Variants in TMEM178B observed in about 807,000 individuals in gnomAD.
TMEM178B encodes transmembrane protein 178B.
In TMEM178B, 5 loss-of-function variants were observed where a neutral mutation model predicts 31.0. The observed-to-expected ratio is 0.16, with a 90% CI of 0.08 to 0.34. The LOEUF is 0.34. TMEM178B is among the 10% of genes least tolerant of loss of function. The pLI, the probability that TMEM178B is intolerant of heterozygous loss-of-function variation, is 1.00. For synonymous variants in TMEM178B, 164 were observed against 164.0 expected, an observed-to-expected ratio of 1.00 and a Z score of 0.00; for missense variants, 275 against 400.3, an observed-to-expected ratio of 0.69 and a Z score of 2.67.
chr7:141,132,287 A>G (rs1795606822), intron 1 of TMEM178B, among the ~76,000 whole-genome samples: 2 of 152,350 alleles, frequency 1.3e-5, no homozygotes, highest in South Asian at 4.1e-4. Flanking sequence ...AAATTTAACT[A>G]GAAAATAAGC....
At chr7:141,387,193 A>C (rs1392791476) in intron 2 of TMEM178B, among the ~76,000 whole-genome samples, 1 of 152,204 alleles carries the variant, frequency 6.6e-6, no homozygotes, top group Non-Finnish European at 1.5e-5. Flanking sequence ...GAATTCATGG[A>C]ATCTTGACTA....
At chr7:141,369,540 C>A (rs1410150126) in intron 2 of TMEM178B, among the ~76,000 whole-genome samples, 1 of 152,092 alleles carries the variant, frequency 6.6e-6, no homozygotes, top group Non-Finnish European at 1.5e-5. Flanking sequence ...TATGTCTGAG[C>A]AAAGTGGAAA....
chr7:141,330,774 T>C (rs536800978), intron 2 of TMEM178B, among the ~76,000 whole-genome samples: 1 of 152,330 alleles, frequency 6.6e-6, no homozygotes, highest in East Asian at 1.9e-4. Flanking sequence ...TCACTCTGGC[T>C]TCTGTGTTGA....
chr7:141,464,829 C>A (rs1435734986), intron 3 of TMEM178B, among the ~76,000 whole-genome samples: 8 of 152,184 alleles, frequency 5.3e-5, no homozygotes, highest in Non-Finnish European at 1.0e-4. Context: ...CTCCTACTGT[C>A]ATGACTGCCC....
chr7:141,488,977 G>GGA, the TMEM178B span, among the ~76,000 whole-genome samples: 1 of 152,044 alleles, frequency 6.6e-6, no homozygotes, highest in Non-Finnish European at 1.5e-5. Context: ...GGGAGGAGGA[G>GGA]GAGGAGGAGG....
At chr7:141,418,691 T>C (rs1400487810) in intron 2 of TMEM178B, among the ~76,000 whole-genome samples, 1 of 152,188 alleles carries the variant, frequency 6.6e-6, no homozygotes, top group Admixed American at 6.5e-5. Context: ...TCTTCTCACT[T>C]TATGTTCCAT....
intron 1 of TMEM178B, among the ~76,000 whole-genome samples, chr7:141,187,507 GA>G (rs1376187398): frequency 6.6e-6 from 1 of 152,066 alleles, no homozygotes; most frequent in Non-Finnish European, 1.5e-5. Flanking sequence ...GATCCCTGAG[GA>G]ATCGCCACAC....
At chr7:141,178,369 G>A (rs1457543622) in intron 1 of TMEM178B, among the ~76,000 whole-genome samples, 2 of 152,186 alleles carry the variant, frequency 1.3e-5, no homozygotes, top group East Asian at 1.9e-4. Context: ...AAGAAATTAT[G>A]CATCTGGGAA....
intron 3 of TMEM178B, among the ~76,000 whole-genome samples, chr7:141,449,751 A>G (rs1165163801): frequency 6.6e-6 from 1 of 152,180 alleles, no homozygotes; most frequent in Non-Finnish European, 1.5e-5. Context: ...GAGCCGCCAG[A>G]CACACCTTGG....
chr7:141,251,828 A>G (rs1471930177), intron 2 of TMEM178B, among the ~76,000 whole-genome samples: 2 of 152,162 alleles, frequency 1.3e-5, no homozygotes, highest in African/African-American at 4.8e-5. Context: ...TCGTATCCCC[A>G]TGAGCTTTTC....
At chr7:141,352,917 C>T (rs1799759925) in intron 2 of TMEM178B, 1 of 152,172 alleles carries the variant, frequency 6.6e-6, no homozygotes, top group African/African-American at 2.4e-5. Context: ...GTGCCAGGCT[C>T]AGTAAGAAAA....
intron 1 of TMEM178B, among the ~76,000 whole-genome samples, chr7:141,164,517 C>T (rs1425333710): frequency 2.0e-5 from 3 of 152,154 alleles, no homozygotes; most frequent in African/African-American, 7.2e-5. Context: ...GCACATGTTT[C>T]AGCTCTTTGG....
chr7:141,336,524 C>T (rs375733055), intron 2 of TMEM178B, among the ~76,000 whole-genome samples: 6 of 152,150 alleles, frequency 3.9e-5, no homozygotes, highest in African/African-American at 1.2e-4. Flanking sequence ...ACTAGTAACA[C>T]CTACCTGTTT....
chr7:141,264,880 T>C (rs949535314), intron 2 of TMEM178B, among the ~76,000 whole-genome samples: 15 of 152,228 alleles, frequency 9.9e-5, no homozygotes, highest in African/African-American at 3.4e-4. Context: ...GTAATGACTA[T>C]TATAATGATA....
At chr7:141,292,492 A>T (rs1404968622) in intron 2 of TMEM178B, among the ~76,000 whole-genome samples, 1 of 152,182 alleles carries the variant, frequency 6.6e-6, no homozygotes, top group Non-Finnish European at 1.5e-5. Context: ...GCAAGAAAAC[A>T]AGAGGGCAGC....
At chr7:141,482,478 A>G (rs1319910884), downstream of TMEM178B, among the ~76,000 whole-genome samples, 1 of 152,190 alleles carries the variant, frequency 6.6e-6, no homozygotes, top group Middle Eastern at 3.2e-3. Context: ...TTGGTATCCC[A>G]ACAACTAGCA....
At chr7:141,446,509 C>T (rs1801761130) in intron 3 of TMEM178B, among the ~76,000 whole-genome samples, 1 of 152,140 alleles carries the variant, frequency 6.6e-6, no homozygotes, top group Admixed American at 6.5e-5. Flanking sequence ...CAGAGAGTTT[C>T]TTTGGGAAGA....
chr7:141,488,943 G>A, the TMEM178B span, among the ~76,000 whole-genome samples: 8 of 152,070 alleles, frequency 5.3e-5, no homozygotes, highest in African/African-American at 1.7e-4. Flanking sequence ...AAAAGAATAA[G>A]GAGGAGGAGA....
chr7:141,128,123 C>A (rs1795535637), intron 1 of TMEM178B, among the ~76,000 whole-genome samples: 1 of 152,138 alleles, frequency 6.6e-6, no homozygotes, highest in African/African-American at 2.4e-5. Flanking sequence ...CATACTTGGA[C>A]ACCCTTGAGA....
Sources: allele counts gnomAD v4.1 joint callset (sites outside exome capture counted in the v4.1 genomes callset), GRCh38; gene constraint gnomAD v4.1.1; transcripts MANE v1.5; gene names NCBI Gene and HGNC (gene_info 2026-07-23, HGNC 2026-07-21).